NAA60: variants seen among roughly 807,000 people sequenced by gnomAD.
NAA60 encodes N-alpha-acetyltransferase 60, NatF catalytic subunit, also known as N-alpha-acetyltransferase 60.
Under a neutral mutation model 26.1 loss-of-function variants are expected in NAA60, and 8 were observed. That is an observed-to-expected ratio of 0.31 (90% CI 0.18 to 0.55). NAA60 has a LOEUF of 0.55. NAA60 is among the 20% of genes least tolerant of loss of function. The pLI, the probability that NAA60 is intolerant of heterozygous loss-of-function variation, is 0.93. For missense variants in NAA60, 290 were observed against 311.3 expected (o/e 0.93, Z 0.51); for synonymous variants, 131 against 122.5 (o/e 1.07, Z -0.46).
chr16:3,443,769 G>A lies in NAA60; in HGVS notation c.-145G>A, dbSNP rs1166507396. ...TAGGGTGACCCCAGGGGGACGTAAT[G>A]TTTCCGAGAAGAAGGACAGAAAGAA... On this transcript the variant is annotated 5_prime_UTR_variant, in exon 1 of 8. It removes an upstream start codon present in the reference 5' UTR. Coordinates refer to ENST00000407558, the MANE Select transcript of NAA60 (RefSeq NM_001083601.3). 7.8e-6 allele frequency: 12 copies of A among 1,533,954 alleles called. No homozygotes were observed. The highest frequency in any genetic ancestry group is 1.7e-4 in the Middle Eastern group (1 of 6,000).
In NAA60 at chr16:3,485,778, G is replaced by C; in HGVS notation, c.*518G>C. ...CCCCTTCCAGAACCAGCCCAAAGAA[G>C]CCTGGGGGGTGAGGAGTGGCCCCCA... is the stretch of plus-strand genomic sequence containing the variant. On this transcript the variant is annotated 3_prime_UTR_variant, in exon 8 of 8. Transcript: ENST00000407558. 2.4e-6 allele frequency: 1 copy of C among 423,468 alleles called. No homozygotes were observed. The highest frequency in any genetic ancestry group is 4.8e-6 in the Non-Finnish European group (1 of 207,864). The allele number at this position is 423,468 out of a possible 1,614,324, so 26.2% of individuals were successfully genotyped here. A position where few individuals can be genotyped will look rare whatever the true frequency, so the allele number is the denominator to read the frequency against.
At chr16:3,456,428 G>A (rs1213169845) in intron 2 of NAA60, among the ~76,000 whole-genome samples, 1 of 151,686 alleles carries the variant, frequency 6.6e-6, no homozygotes, top group Non-Finnish European at 1.5e-5. Context: ...AGGAAGTACA[G>A]AGCGAGCAAT....
intron 2 of NAA60, among the ~76,000 whole-genome samples, chr16:3,473,607 T>C (rs166103): frequency 0.41 from 62,780 of 151,736 alleles, 14,251 homozygotes; most frequent in African/African-American, 0.61. Flanking sequence ...ACCATGTTGG[T>C]CAGGCTGGTC....
In NAA60 at chr16:3,476,261, G is replaced by A. The variant is rs1309325172; in HGVS notation, c.34G>A (p.Glu12Lys). ...GGTGGTGCCATCCAGCGCGCTCAGC[G>A]AGGTCAGCCTGCGCCTCCTCTGCCA... ...TEVVPSSALS[E>K]VSLRLLCHDD... Residue 12 changes from glutamate (E) to lysine (K), a missense_variant, in exon 3 of 8, where the codon GAG (glutamate) becomes AAG (lysine). By Grantham distance (56) the Glu-to-Lys change is moderately conservative. Transcript: ENST00000407558. 7.4e-6 allele frequency: 12 copies of A among 1,613,246 alleles called. No individual in the cohort carries two copies. In the Admixed American group the frequency reaches 8.3e-5, roughly 11 times the overall value.
chr16:3,464,997 G>C (rs2035646910), intron 2 of NAA60, among the ~76,000 whole-genome samples: 2 of 152,338 alleles, frequency 1.3e-5, no homozygotes, highest in South Asian at 2.1e-4. Context: ...GCCGGGTGCA[G>C]TGGCTCAAGC....
At position 3,476,249 on chromosome 16, in the gene NAA60, A is replaced by G. The variant is rs911940161; in HGVS notation, c.22A>G (p.Ser8Gly). 7.1e-6 allele frequency: 11 copies of G among 1,545,802 alleles called. No individual in the cohort carries two copies. In the African/African-American group the frequency reaches 1.4e-4, roughly 19 times the overall value. Residue 8 changes from serine (S) to glycine (G), a missense_variant, in exon 3 of 8, where the codon AGC becomes GGC. Ser to Gly is a moderately conservative substitution (Grantham distance 56). Transcript: ENST00000407558. The stretch of plus-strand genomic sequence containing the variant: ...GTGAATGACAGAGGTGGTGCCATCC[A>G]GCGCGCTCAGCGAGGTCAGCCTGCG... MTEVVPS[S>G]ALSEVSLRLL...
In NAA60 at chr16:3,483,487, C is replaced by T. The variant is rs2036976089; in HGVS notation, c.462C>T (p.Asp154=). 6.2e-7 allele frequency: 1 copy of T among 1,613,908 alleles called. No homozygotes were observed. Among genetic ancestry groups the T allele is most frequent in the African/African-American group, 1.3e-5 (1 of 74,956 alleles). The change falls in exon 6 of 8, where the codon GAC becomes GAT. Residue 154 remains aspartate (D), a synonymous_variant. Coordinates refer to ENST00000407558, the MANE Select transcript of NAA60 (RefSeq NM_001083601.3). The part of the protein sequence containing the change: ...NTAINFYENR[D]FKQHHYLPYY... ...CAATAAACTTCTATGAAAACAGAGA[C>T]TTCAAGCAGCACCACTATCTCCCCT...
At chr16:3,479,682 T>A in intron 4 of NAA60, 82 bp downstream of exon 4, 1 of 1,520,730 alleles carries the variant, frequency 6.6e-7, no homozygotes, top group Non-Finnish European at 8.9e-7. Context: ...TCATGCTGCC[T>A]GCTCCACAGC....
At chr16:3,449,352 A>C (rs140862274) in intron 2 of NAA60, among the ~76,000 whole-genome samples, 2 of 152,130 alleles carry the variant, frequency 1.3e-5, no homozygotes, top group African/African-American at 4.8e-5. Context: ...CCCCATCTTT[A>C]CTAAAAATAC....
intron 3 of NAA60, among the ~76,000 whole-genome samples, chr16:3,478,913 C>A (rs1474688304): frequency 6.6e-6 from 1 of 152,132 alleles, no homozygotes; most frequent in African/African-American, 2.4e-5. Flanking sequence ...TGAGTTGCTT[C>A]CATGGAGACA....
In NAA60 at chr16:3,486,094, C is replaced by G. The variant is rs1427626482; in HGVS notation, c.*834C>G. Reference sequence around the variant, plus strand: ...TGCTGCTCCAAGGCCTGGCCACATGCAGACAGGAGGAAGCTGAGCTCGACA... The same window carrying G: ...TGCTGCTCCAAGGCCTGGCCACATGGAGACAGGAGGAAGCTGAGCTCGACA... On this transcript the variant is annotated 3_prime_UTR_variant, in exon 8 of 8. Coordinates refer to ENST00000407558, the MANE Select transcript of NAA60 (RefSeq NM_001083601.3). 1 of 197,258 alleles carries G rather than the reference C, an allele frequency of 5.1e-6. No individual in the cohort carries two copies. Among genetic ancestry groups the G allele is most frequent in the Non-Finnish European group, 1.1e-5 (1 of 93,300 alleles). 12.2% of individuals were successfully genotyped at this position (197,258 alleles called of 1,614,324 possible).
chr16:3,458,363 C>T (rs1440464942), intron 2 of NAA60, among the ~76,000 whole-genome samples: 2 of 151,658 alleles, frequency 1.3e-5, no homozygotes, highest in South Asian at 2.1e-4. Flanking sequence ...GAGCCGGTTT[C>T]GGGGACGGCG....
At chr16:3,474,553 C>T (rs1033183786) in intron 2 of NAA60, among the ~76,000 whole-genome samples, 25 of 152,366 alleles carry the variant, frequency 1.6e-4, no homozygotes, top group African/African-American at 4.3e-4. Flanking sequence ...GGACAGTGGA[C>T]GCCGCGGGCA....
At chr16:3,483,644 A>C (rs748189733) in intron 6 of NAA60, 47 bp downstream of exon 6, 3 of 1,477,472 alleles carry the variant, frequency 2.0e-6, no homozygotes, top group Non-Finnish European at 2.8e-6. Context: ...CCTGTCCATA[A>C]GGTGGCAGAG....
chr16:3,443,714 C>T lies in NAA60; in HGVS notation c.-200C>T. 2.0e-6 allele frequency: 3 copies of T among 1,465,322 alleles called. No homozygotes were observed. Among genetic ancestry groups the T allele is most frequent in the South Asian group, 1.3e-5 (1 of 75,116 alleles). 90.8% of individuals were successfully genotyped at this position (1,465,322 alleles called of 1,614,324 possible). A position where few individuals can be genotyped will look rare whatever the true frequency, so the allele number is the denominator to read the frequency against. ...CTGGCGGGGTCTCCTCCGTGAGCTC[C>T]GGGCCTGTTTGCCTGCTGAAGTAGA... is the stretch of plus-strand genomic sequence containing the variant. On this transcript the variant is annotated 5_prime_UTR_variant, in exon 1 of 8. Transcript: ENST00000407558.
intron 2 of NAA60, among the ~76,000 whole-genome samples, chr16:3,461,670 C>G (rs892038204): frequency 6.6e-6 from 1 of 152,120 alleles, no homozygotes; most frequent in African/African-American, 2.4e-5. Context: ...AATAAACATT[C>G]TAAACAAAGA....
chr16:3,461,340 C>T (rs1283482539), intron 2 of NAA60, among the ~76,000 whole-genome samples: 1 of 152,104 alleles, frequency 6.6e-6, no homozygotes, highest in Non-Finnish European at 1.5e-5. Flanking sequence ...TTAATGGAGC[C>T]AGAGTGCCCC....
chr16:3,465,266 CAAAAA>C (rs529847098), intron 2 of NAA60, among the ~76,000 whole-genome samples: 8 of 87,676 alleles, frequency 9.1e-5, no homozygotes, highest in East Asian at 3.2e-4. Context: ...GACTCTGTCT[CAAAAA>C]AAAAAAAAAA....
intron 2 of NAA60, among the ~76,000 whole-genome samples, chr16:3,471,346 C>T (rs986450786): frequency 2.0e-5 from 3 of 151,634 alleles, no homozygotes; most frequent in Admixed American, 6.6e-5. Context: ...CTAAAAATAC[C>T]AAAAAAATTA....
Sources: allele counts gnomAD v4.1 joint callset (sites outside exome capture counted in the v4.1 genomes callset), GRCh38; gene constraint gnomAD v4.1.1; transcripts MANE v1.5; gene names NCBI Gene and HGNC (gene_info 2026-07-23, HGNC 2026-07-21).